The following MCU variants were observed in gnomAD, a reference collection of about 807,000 sequenced individuals.
MCU encodes mitochondrial calcium uniporter.
In MCU, 12 loss-of-function variants were observed where a neutral mutation model predicts 45.2. The observed-to-expected ratio is 0.27, with a 90% CI of 0.17 to 0.43. The LOEUF (loss-of-function observed/expected upper bound fraction) is 0.43, where lower values mean the gene tolerates loss of function less well. MCU is among the 20% of genes least tolerant of loss of function. MCU has a pLI of 1.00. For missense variants in MCU, 324 were observed against 436.7 expected, an observed-to-expected ratio of 0.74 and a Z score of 2.30; for synonymous variants, 160 against 165.1, an observed-to-expected ratio of 0.97 and a Z score of 0.24.
At chr10:72,777,382 G>C (rs1478284800) in intron 1 of MCU, among the ~76,000 whole-genome samples, 2 of 152,156 alleles carry the variant, frequency 1.3e-5, no homozygotes, top group Non-Finnish European at 2.9e-5. Context: ...TGAGAATCCA[G>C]ATATCAGTCC....
At chr10:72,716,992 C>T (rs1842962612) in intron 1 of MCU, among the ~76,000 whole-genome samples, 1 of 152,102 alleles carries the variant, frequency 6.6e-6, no homozygotes. Context: ...CAGTGTTCTA[C>T]TACTGAAATC....
intron 1 of MCU, among the ~76,000 whole-genome samples, chr10:72,740,957 TATC>T (rs1843319888): frequency 1.3e-5 from 2 of 152,236 alleles, no homozygotes; most frequent in Admixed American, 6.5e-5. Flanking sequence ...TTTTAATAGT[TATC>T]AACAATATAT....
intron 1 of MCU, among the ~76,000 whole-genome samples, chr10:72,775,361 A>G (rs1277412928): frequency 2.0e-5 from 3 of 151,984 alleles, no homozygotes; most frequent in Non-Finnish European, 4.4e-5. Context: ...GGAAAATATA[A>G]CATACCAAAA....
intron 1 of MCU, among the ~76,000 whole-genome samples, chr10:72,742,043 A>C (rs924067628): frequency 2.7e-5 from 4 of 149,928 alleles, no homozygotes; most frequent in Admixed American, 2.6e-4. Context: ...AAAAAAAAAA[A>C]AACAAAAACG....
intron 1 of MCU, among the ~76,000 whole-genome samples, chr10:72,745,348 C>T (rs1843399612): frequency 6.6e-6 from 1 of 152,146 alleles, no homozygotes; most frequent in African/African-American, 2.4e-5. Flanking sequence ...CGTGGCTCAG[C>T]CTCCTGAGTA....
At chr10:72,854,458 G>A (rs1170383708) in intron 2 of MCU, among the ~76,000 whole-genome samples, 2 of 152,180 alleles carry the variant, frequency 1.3e-5, no homozygotes, top group Non-Finnish European at 2.9e-5. Context: ...TATAATATAT[G>A]TAGAAAAACG....
intron 1 of MCU, among the ~76,000 whole-genome samples, chr10:72,823,619 T>C (rs1260410725): frequency 1.3e-5 from 2 of 152,326 alleles, no homozygotes; most frequent in East Asian, 3.9e-4. Flanking sequence ...ATGTGTTCAT[T>C]ATGTGAAGTT....
At chr10:72,838,565 A>G (rs1208472718) in intron 2 of MCU, among the ~76,000 whole-genome samples, 1 of 152,108 alleles carries the variant, frequency 6.6e-6, no homozygotes, top group Non-Finnish European at 1.5e-5. Context: ...TGAGGTGGGA[A>G]GTCAAGGCGA....
chr10:72,722,554 A>T (rs1261085850), intron 1 of MCU, among the ~76,000 whole-genome samples: 1 of 151,204 alleles, frequency 6.6e-6, no homozygotes, highest in Non-Finnish European at 1.5e-5. Flanking sequence ...CTATTTTTAC[A>T]AGCAAAATTC....
intron 2 of MCU, among the ~76,000 whole-genome samples, chr10:72,847,129 G>A (rs1233646136): frequency 6.6e-6 from 1 of 152,152 alleles, no homozygotes; most frequent in Non-Finnish European, 1.5e-5. Flanking sequence ...ACGCCACCAT[G>A]CCCAGCTAAT....
At chr10:72,878,777 A>C (rs1845656792) in intron 6 of MCU, among the ~76,000 whole-genome samples, 1 of 152,204 alleles carries the variant, frequency 6.6e-6, no homozygotes. Flanking sequence ...AAATATAGGA[A>C]AGGGTAAGAG....
chr10:72,719,734 C>G (rs1022885014), intron 1 of MCU, among the ~76,000 whole-genome samples: 2 of 152,136 alleles, frequency 1.3e-5, no homozygotes, highest in African/African-American at 4.8e-5. Flanking sequence ...GGCATTTATC[C>G]TTTATATTAC....
chr10:72,851,438 G>C (rs1451180735), intron 2 of MCU, among the ~76,000 whole-genome samples: 4 of 152,214 alleles, frequency 2.6e-5, no homozygotes, highest in African/African-American at 9.7e-5. Flanking sequence ...GGCTGAACAG[G>C]AGACTGGAGT....
intron 1 of MCU, among the ~76,000 whole-genome samples, chr10:72,782,350 A>G (rs954082375): frequency 1.3e-5 from 2 of 151,964 alleles, no homozygotes; most frequent in Non-Finnish European, 2.9e-5. Flanking sequence ...CTCGTACATA[A>G]TCCTTAAAAT....
intron 1 of MCU, among the ~76,000 whole-genome samples, chr10:72,797,445 C>T (rs182992599): frequency 6.6e-6 from 1 of 151,264 alleles, no homozygotes; most frequent in Admixed American, 6.6e-5. Flanking sequence ...AGACTGGTCT[C>T]GAACTCCTGG....
At chr10:72,700,932 C>A (rs1842751577) in intron 1 of MCU, among the ~76,000 whole-genome samples, 1 of 152,052 alleles carries the variant, frequency 6.6e-6, no homozygotes, top group South Asian at 2.1e-4. Context: ...ACTGAGGAGT[C>A]CATTAGGTGT....
rs555485752 is a variant in MCU at position 72,841,309 on chromosome 10, A to T, written c.220+6881A>T. On this transcript the variant is annotated intron_variant, in intron 2 of 7. Transcript: ENST00000373053. ...CCAAAATAACTACCAGAAAAAAAAA[A>T]TTTTTTTTTTGAGATGGAGTTTTGC... 2.7e-3 allele frequency among the ~76,000 whole-genome samples: 403 copies of T among 150,582 alleles called. 1 individual carries two copies. Among genetic ancestry groups the T allele is most frequent in the African/African-American group, 8.8e-3 (361 of 41,066 alleles).
At chr10:72,868,992 A>T in intron 5 of MCU, 129 bp downstream of exon 5, 3 of 945,824 alleles carry the variant, frequency 3.2e-6, no homozygotes, top group Non-Finnish European at 3.1e-6. Flanking sequence ...AGTTTATGGG[A>T]CTGAACCATA....
chr10:72,866,934 A>G (rs980944224), intron 4 of MCU, among the ~76,000 whole-genome samples: 9 of 151,650 alleles, frequency 5.9e-5, no homozygotes, highest in African/African-American at 2.2e-4. Context: ...TTAAAGCTAT[A>G]TGCAAATGTG....
Sources: allele counts gnomAD v4.1 joint callset (sites outside exome capture counted in the v4.1 genomes callset), GRCh38; gene constraint gnomAD v4.1.1; transcripts MANE v1.5; gene names NCBI Gene and HGNC (gene_info 2026-07-23, HGNC 2026-07-21).